CDH13: variants seen among roughly 807,000 people sequenced by gnomAD.
The protein encoded by CDH13 is cadherin-13.
In CDH13, 24 loss-of-function variants were observed where a neutral mutation model predicts 63.8. The observed-to-expected ratio is 0.38, with a 90% CI of 0.27 to 0.53. The LOEUF (loss-of-function observed/expected upper bound fraction) is 0.53, where lower values mean the gene tolerates loss of function less well. Ranked by LOEUF, CDH13 falls within the 20% of genes least tolerant of loss-of-function variation. The pLI, the probability that CDH13 is intolerant of heterozygous loss-of-function variation, is 0.85. For synonymous variants in CDH13, 503 were observed against 355.3 expected (o/e 1.42, Z -4.67); for missense variants, 1,049 against 903.1 (o/e 1.16, Z -2.07).
intron 6 of CDH13, among the ~76,000 whole-genome samples, chr16:83,352,406 G>C (rs2090971686): frequency 6.6e-6 from 1 of 152,066 alleles, no homozygotes; most frequent in African/African-American, 2.4e-5. Flanking sequence ...AAGGAGGATG[G>C]ATAGTTCTCA....
intron 1 of CDH13, among the ~76,000 whole-genome samples, chr16:82,647,863 C>T (rs537576825): frequency 6.6e-6 from 1 of 152,174 alleles, no homozygotes; most frequent in Non-Finnish European, 1.5e-5. Context: ...GCCCAAATCT[C>T]ATCTTGAATT....
chr16:82,986,450 G>T (rs947451772), intron 2 of CDH13, among the ~76,000 whole-genome samples: 1 of 152,196 alleles, frequency 6.6e-6, no homozygotes, highest in African/African-American at 2.4e-5. Flanking sequence ...ATTTCTCTCA[G>T]ATTTCTTATT....
intron 8 of CDH13, among the ~76,000 whole-genome samples, chr16:83,605,715 G>C (rs1303324387): frequency 1.3e-5 from 2 of 152,164 alleles, no homozygotes; most frequent in Non-Finnish European, 2.9e-5. Flanking sequence ...TGATGAGAAA[G>C]ATATTATTAT....
At chr16:82,819,744 C>T (rs560009425) in intron 1 of CDH13, among the ~76,000 whole-genome samples, 4 of 152,332 alleles carry the variant, frequency 2.6e-5, no homozygotes, top group Admixed American at 1.3e-4. Context: ...AATGCCTATG[C>T]TTTTCCAGGC....
chr16:83,701,469 T>G (rs1393701123), intron 10 of CDH13, among the ~76,000 whole-genome samples: 1 of 152,214 alleles, frequency 6.6e-6, no homozygotes, highest in Non-Finnish European at 1.5e-5. Flanking sequence ...CCGTACCCCA[T>G]GCACAGCTGT....
chr16:83,607,556 C>G (rs1180016628), intron 8 of CDH13, among the ~76,000 whole-genome samples: 1 of 152,222 alleles, frequency 6.6e-6, no homozygotes, highest in East Asian at 1.9e-4. Context: ...AATAACAGAG[C>G]ATTTGCTGAA....
At chr16:82,673,642 G>A (rs1224313555) in intron 1 of CDH13, among the ~76,000 whole-genome samples, 1 of 152,220 alleles carries the variant, frequency 6.6e-6, no homozygotes, top group East Asian at 1.9e-4. Context: ...CTGAGATGGC[G>A]AGAGCCTCCC....
intron 1 of CDH13, among the ~76,000 whole-genome samples, 185 bp from the exon 2 acceptor site, chr16:82,858,177 G>A (rs555904362): frequency 8.5e-5 from 13 of 152,284 alleles, no homozygotes; most frequent in Non-Finnish European, 1.5e-4. Flanking sequence ...TTCCATTTGC[G>A]TATTCTCCAA....
At chr16:83,637,000 C>T (rs1349504324) in intron 8 of CDH13, among the ~76,000 whole-genome samples, 1 of 152,170 alleles carries the variant, frequency 6.6e-6, no homozygotes, top group Non-Finnish European at 1.5e-5. Context: ...TTGCATTTCT[C>T]TGCTGATTAG....
At position 82,877,157 on chromosome 16, in the gene CDH13, A is replaced by G. The variant is rs1388366160; in HGVS notation, c.157+18684A>G. 2.6e-5 allele frequency among the ~76,000 whole-genome samples: 4 copies of G among 152,218 alleles called. No homozygotes were observed. The East Asian group carries it at 7.7e-4, about 29-fold the overall frequency. On this transcript the variant is annotated intron_variant, in intron 2 of 13. Coordinates refer to ENST00000567109, the MANE Select transcript of CDH13 (RefSeq NM_001257.5). The stretch of plus-strand genomic sequence containing the variant: ...TTGTAGGGAGGGTATAGCCTCAAGC[A>G]ATTTAAGATAGGAAGATGATTGGTA...
chr16:83,360,635 G>T (rs2091144361), intron 6 of CDH13, among the ~76,000 whole-genome samples: 1 of 152,102 alleles, frequency 6.6e-6, no homozygotes, highest in Non-Finnish European at 1.5e-5. Context: ...CTAGTCCCCA[G>T]CGTCTGTTAT....
intron 1 of CDH13, among the ~76,000 whole-genome samples, chr16:82,662,779 A>G (rs950733450): frequency 7.9e-5 from 12 of 152,196 alleles, no homozygotes; most frequent in African/African-American, 2.9e-4. Context: ...AACCACCAGT[A>G]TGTGTCCCTC....
chr16:83,051,602 G>T (rs1008175244), intron 3 of CDH13, among the ~76,000 whole-genome samples: 1 of 152,122 alleles, frequency 6.6e-6, no homozygotes, highest in African/African-American at 2.4e-5. Flanking sequence ...TTGCATGTGG[G>T]TGGCTCTGTT....
intron 4 of CDH13, among the ~76,000 whole-genome samples, chr16:83,200,763 A>T (rs1199788185): frequency 6.6e-6 from 1 of 152,196 alleles, no homozygotes; most frequent in Admixed American, 6.5e-5. Context: ...CACAGCTACT[A>T]TGATCTTCTC....
At chr16:83,253,181 G>A (rs1905792242) in intron 5 of CDH13, among the ~76,000 whole-genome samples, 1 of 152,094 alleles carries the variant, frequency 6.6e-6, no homozygotes, top group South Asian at 2.1e-4. Flanking sequence ...GCATTTTTTG[G>A]TATCAAAGTC....
chr16:83,208,008 AT>A (rs2039232181), intron 4 of CDH13, among the ~76,000 whole-genome samples: 1 of 152,076 alleles, frequency 6.6e-6, no homozygotes, highest in Non-Finnish European at 1.5e-5. Context: ...CTGGAGTTTT[AT>A]TTTTCTTCCC....
intron 5 of CDH13, among the ~76,000 whole-genome samples, chr16:83,266,586 C>T (rs116722931): frequency 6.6e-6 from 1 of 152,212 alleles, no homozygotes; most frequent in Non-Finnish European, 1.5e-5. Context: ...ATCATCTCCC[C>T]TCTTCACACT....
intron 2 of CDH13, among the ~76,000 whole-genome samples, chr16:83,015,112 T>G (rs1344453634): frequency 1.3e-5 from 2 of 151,838 alleles, no homozygotes; most frequent in Non-Finnish European, 2.9e-5. Context: ...TATATATAGC[T>G]TGCAAATTTG....
intron 4 of CDH13, among the ~76,000 whole-genome samples, chr16:83,161,464 A>G (rs74031420): frequency 0.016 from 2,467 of 152,240 alleles, 76 homozygotes; most frequent in African/African-American, 0.056. Flanking sequence ...CATTTTAAGG[A>G]GTCAGAATGT....
Sources: gnomAD v4.1 joint callset for allele counts (sites outside exome capture counted in the v4.1 genomes callset) on GRCh38, gnomAD v4.1.1 for gene constraint, MANE v1.5 for transcripts, NCBI Gene and HGNC (gene_info 2026-07-23, HGNC 2026-07-21) for gene names.